STAP2: variants seen among roughly 807,000 people sequenced by gnomAD.
STAP2 encodes the protein signal transducing adaptor family member 2.
STAP2 carries 58 observed loss-of-function variants against 52.7 expected under a neutral mutation model. That is an observed-to-expected ratio of 1.10 (90% CI 0.89 to 1.37). The LOEUF (loss-of-function observed/expected upper bound fraction) is 1.37. Ranked by LOEUF, STAP2 falls within the 40% of genes most tolerant of loss-of-function variation. The pLI is 0.00. For synonymous variants in STAP2, 231 were observed against 210.5 expected (o/e 1.10, Z -0.84); for missense variants, 522 against 519.4 (o/e 1.00, Z -0.05).
Position 4,333,956 on chromosome 19 carries a change from T to C in STAP2, c.174+17A>G, listed in dbSNP as rs971251212. On this transcript the variant is annotated intron_variant, in intron 2 of 12. Transcript: ENST00000594605. ...TCAAGGGAAGGCCTGCTCTGGAGCC[T>C]CCATTCCCATCCTTACCTGGAAGTC... 1 of 1,612,526 alleles carries C rather than the reference T, an allele frequency of 6.2e-7. No individual in the cohort carries two copies. Among genetic ancestry groups the C allele is most frequent in the African/African-American group, 1.3e-5 (1 of 74,940 alleles).
At position 4,328,515 on chromosome 19, in the gene STAP2, C is replaced by G. The variant is rs944803603; in HGVS notation, c.590+160G>C. ...GACTCCTCCCCCAATCCGCCCAGCTCAGCTCTGACTCCGTCCCCAGACGCC... is the reference window on the plus strand; with the variant it reads ...GACTCCTCCCCCAATCCGCCCAGCTGAGCTCTGACTCCGTCCCCAGACGCC... On this transcript the variant is annotated intron_variant, in intron 6 of 12. Transcript: ENST00000594605. 2.1e-5 allele frequency among the ~76,000 whole-genome samples: 3 copies of G among 141,670 alleles called. No homozygotes were observed. The South Asian group carries it at 6.5e-4, about 31-fold the overall frequency. 92.9% of individuals were successfully genotyped at this position (141,670 alleles called of 152,430 possible).
At chr19:4,327,487 G>C in intron 6 of STAP2, 102 bp from the exon 7 acceptor site, 2 of 1,251,458 alleles carry the variant, frequency 1.6e-6, no homozygotes, top group Admixed American at 2.0e-5. Context: ...AATAGAAACA[G>C]GTCCATACTG....
chr19:4,328,541 C>T, intron 6 of STAP2, 134 bp downstream of exon 6: 2 of 1,254,274 alleles, frequency 1.6e-6, no homozygotes, highest in Non-Finnish European at 2.2e-6. Flanking sequence ...CCCAGACGCC[C>T]GTCTCGGCTC....
In STAP2 at chr19:4,325,241, T is replaced by C. The variant is rs1568384249; in HGVS notation, c.1047A>G (p.Pro349=). 3 of 1,602,060 alleles carry C rather than the reference T, an allele frequency of 1.9e-6. No individual in the cohort carries two copies. Among genetic ancestry groups the C allele is most frequent in the East Asian group, 4.5e-5 (2 of 44,206 alleles). The part of the protein sequence containing the change: ...KKLPKPPAKL[P]KPPVGPKPEP... ...CTGGCTTGGGTCCAACGGGTGGCTT[T>C]GGAAGCTTGGCAGGAGGCTTTGGCA... The change falls in exon 11 of 13, where the codon CCA becomes CCG. Residue 349 remains proline (P), a synonymous_variant. Coordinates refer to ENST00000594605, the MANE Select transcript of STAP2 (RefSeq NM_001013841.2).
chr19:4,330,182 G>C (rs1175819323), intron 4 of STAP2, 121 bp from the exon 5 acceptor site: 5 of 717,518 alleles, frequency 7.0e-6, no homozygotes, highest in Non-Finnish European at 1.2e-5. Flanking sequence ...ACACCTTAGA[G>C]GGCAAAGAGG....
In STAP2 at chr19:4,327,211, G is replaced by C. The variant is rs758811885; in HGVS notation, c.676C>G (p.Leu226Val). The C allele has an allele frequency of 1.2e-6, 2 of 1,613,990 alleles. No individual in the cohort carries two copies. The highest frequency in any genetic ancestry group is 1.7e-6 in the Non-Finnish European group (2 of 1,180,028). The change falls in exon 8 of 13, where the codon CTG (leucine) becomes GTG (valine). Residue 226 changes from leucine (L) to valine (V), a missense_variant. Leu to Val is a conservative substitution (Grantham distance 32, BLOSUM62 1). Coordinates refer to ENST00000594605, the MANE Select transcript of STAP2 (RefSeq NM_001013841.2). ...DVEQPFSCTSLDAVVNYFVSH... is the reference protein window; with the variant it reads ...DVEQPFSCTSVDAVVNYFVSH... ...ACGAAATAGTTGACCACGGCGTCCAGGGAGGTGCAAGAGAACTGGGGGCAG... is the reference window on the plus strand; with the variant it reads ...ACGAAATAGTTGACCACGGCGTCCACGGAGGTGCAAGAGAACTGGGGGCAG...
intron 6 of STAP2, 45 bp downstream of exon 6, chr19:4,328,630 T>A: frequency 1.9e-6 from 3 of 1,541,480 alleles, no homozygotes; most frequent in Non-Finnish European, 2.6e-6. Flanking sequence ...CCCACCCTCT[T>A]CCCACCCTCC....
intron 3 of STAP2, 109 bp downstream of exon 3, chr19:4,333,585 C>G (rs748395244): frequency 2.0e-5 from 28 of 1,410,062 alleles, no homozygotes; most frequent in Non-Finnish European, 2.6e-5. Context: ...CCAGGGCCCA[C>G]AGGGCCCTGT....
chr19:4,328,565 T>A, intron 6 of STAP2, 110 bp downstream of exon 6: 1 of 1,423,304 alleles, frequency 7.0e-7, no homozygotes. Context: ...CTCCGTCCCC[T>A]GGCCTACCCA....
intron 1 of STAP2, 104 bp downstream of exon 1, chr19:4,338,548 A>G: frequency 5.7e-6 from 3 of 527,402 alleles, no homozygotes; most frequent in Non-Finnish European, 1.0e-5. Context: ...CCCATCCAGC[A>G]CCCACCCCGC....
intron 1 of STAP2, among the ~76,000 whole-genome samples, chr19:4,336,111 G>A (rs1030494279): frequency 1.1e-4 from 17 of 151,726 alleles, no homozygotes; most frequent in Non-Finnish European, 2.9e-5. Context: ...CTCCCAGTTC[G>A]AGCCATTCTC....
At chr19:4,325,119 AC>A (rs1971765572) in intron 11 of STAP2, 96 bp downstream of exon 11, 46 of 1,098,222 alleles carry the variant, frequency 4.2e-5, no homozygotes, top group Middle Eastern at 2.5e-4. Context: ...AGCCTGGGCG[AC>A]AGAGTGAGAC....
intron 11 of STAP2, chr19:4,324,837 AC>A (rs369544861): frequency 7.1e-6 from 3 of 420,456 alleles, no homozygotes; most frequent in African/African-American, 6.1e-5. Context: ...ACAAAAAACA[AC>A]AATAAAGACA....
At position 4,333,690 on chromosome 19, in the gene STAP2, C is replaced by G; in HGVS notation, c.297+4G>C. 1 of 1,610,672 alleles carries G rather than the reference C, an allele frequency of 6.2e-7. No homozygotes were observed. Among genetic ancestry groups the G allele is most frequent in the Non-Finnish European group, 8.5e-7 (1 of 1,179,510 alleles). On this transcript the variant is annotated splice_donor_region_variant and intron_variant, in intron 3 of 12. Coordinates refer to ENST00000594605, the MANE Select transcript of STAP2 (RefSeq NM_001013841.2). The stretch of plus-strand genomic sequence containing the variant: ...CCTCTGCACCCCTCCAGCAAGGGAC[C>G]TACCTTGAACTTGATCTCCTGATCC...
chr19:4,338,672 TCTC>T lies in STAP2; in HGVS notation c.79_81del (p.Glu27del). 6.2e-7 allele frequency: 1 copy of T among 1,612,824 alleles called. No individual in the cohort carries two copies. Among genetic ancestry groups the T allele is most frequent in the Non-Finnish European group, 8.5e-7 (1 of 1,179,360 alleles). ...CTTACCCGGTCACAGGGCCCCTTCT[TCTC>T]TAGAAAGCTCTCATAGTAGTGTGAA... On this transcript the variant is annotated inframe_deletion, in exon 1 of 13. Coordinates refer to ENST00000594605, the MANE Select transcript of STAP2 (RefSeq NM_001013841.2).
At chr19:4,326,786 A>C (rs1334960073) in intron 9 of STAP2, among the ~76,000 whole-genome samples, 156 bp downstream of exon 9, 3 of 151,546 alleles carry the variant, frequency 2.0e-5, no homozygotes, top group African/African-American at 7.3e-5. Context: ...CCTCCCCCAC[A>C]CACACACCCT....
At chr19:4,335,202 A>G (rs959654803) in intron 1 of STAP2, among the ~76,000 whole-genome samples, 3 of 145,336 alleles carry the variant, frequency 2.1e-5, no homozygotes, top group African/African-American at 7.9e-5. Flanking sequence ...TCCATCATCC[A>G]TCCATCCACT....
At chr19:4,330,702 T>A (rs1415895312) in intron 4 of STAP2, among the ~76,000 whole-genome samples, 1 of 149,258 alleles carries the variant, frequency 6.7e-6, no homozygotes, top group Non-Finnish European at 1.5e-5. Context: ...TGATAAATGA[T>A]GTCAGCTAAT....
rs558813932 is a variant in STAP2 at position 4,335,366 on chromosome 19, T to A, written c.103-1322A>T. 4.3e-4 allele frequency among the ~76,000 whole-genome samples: 64 copies of A among 150,424 alleles called. 1 individual carries two copies. The highest frequency in any genetic ancestry group is 1.5e-3 in the African/African-American group (61 of 40,830). On this transcript the variant is annotated intron_variant, in intron 1 of 12. Coordinates refer to ENST00000594605, the MANE Select transcript of STAP2 (RefSeq NM_001013841.2). ...TATTCATCCATCTATCATTCATCCA[T>A]GCACTTGTTCATCCATCCATCATCC...
Sources: gnomAD v4.1 joint callset for allele counts (sites outside exome capture counted in the v4.1 genomes callset) on GRCh38, gnomAD v4.1.1 for gene constraint, MANE v1.5 for transcripts, NCBI Gene and HGNC (gene_info 2026-07-23, HGNC 2026-07-21) for gene names.